Variants in CDK14 observed in about 807,000 individuals in gnomAD.
CDK14 encodes cyclin dependent kinase 14, also known as cyclin-dependent kinase 14.
Under a neutral mutation model 60.7 loss-of-function variants are expected in CDK14, and 34 were observed. The ratio of observed to expected loss-of-function variants is 0.56; its 90% CI spans 0.43 to 0.75. The LOEUF is 0.75. Among genes scored for constraint, CDK14 ranks in the 30% least tolerant of loss-of-function variants. CDK14 has a pLI of 0.00. For synonymous variants in CDK14, 197 were observed against 203.7 expected (o/e 0.97, Z 0.28); for missense variants, 482 against 564.1 (o/e 0.85, Z 1.47).
At chr7:90,743,709 G>A (rs1415869135) in intron 3 of CDK14, among the ~76,000 whole-genome samples, 2 of 151,222 alleles carry the variant, frequency 1.3e-5, no homozygotes, top group African/African-American at 2.4e-5. Context: ...ACTTCTTGGT[G>A]GATTTTTAAC....
chr7:90,919,321 G>A (rs1793173237), intron 8 of CDK14, among the ~76,000 whole-genome samples: 1 of 152,030 alleles, frequency 6.6e-6, no homozygotes, highest in Admixed American at 6.6e-5. Flanking sequence ...GATACAATAG[G>A]ATTGTATGTT....
At chr7:90,841,912 G>A (rs977852163) in intron 5 of CDK14, among the ~76,000 whole-genome samples, 6 of 152,070 alleles carry the variant, frequency 3.9e-5, no homozygotes, top group African/African-American at 1.4e-4. Flanking sequence ...CACTGAAGAT[G>A]AGGAAGCAGC....
intron 7 of CDK14, among the ~76,000 whole-genome samples, chr7:90,914,434 A>C (rs145239357): frequency 1.2e-3 from 178 of 152,278 alleles, no homozygotes; most frequent in African/African-American, 3.8e-3. Context: ...GTTAGCTGTG[A>C]GTTCCTCAAG....
At chr7:90,881,417 C>CT (rs1452896167) in intron 6 of CDK14, among the ~76,000 whole-genome samples, 1 of 152,116 alleles carries the variant, frequency 6.6e-6, no homozygotes, top group Non-Finnish European at 1.5e-5. Flanking sequence ...AAACAAGCCT[C>CT]TAAGAAATAT....
intron 5 of CDK14, among the ~76,000 whole-genome samples, chr7:90,856,603 A>G (rs1282536234): frequency 6.6e-6 from 1 of 152,182 alleles, no homozygotes; most frequent in African/African-American, 2.4e-5. Flanking sequence ...CTGTCTCCTC[A>G]TTACAGACAG....
intron 12 of CDK14, among the ~76,000 whole-genome samples, chr7:91,087,322 A>G (rs1022879496): frequency 6.6e-6 from 1 of 152,188 alleles, no homozygotes; most frequent in African/African-American, 2.4e-5. Context: ...AGAATATACC[A>G]TCAATAAATA....
At chr7:91,163,697 A>G (rs573883882) in intron 14 of CDK14, among the ~76,000 whole-genome samples, 1 of 152,196 alleles carries the variant, frequency 6.6e-6, no homozygotes, top group East Asian at 1.9e-4. Flanking sequence ...GTAGATCTCA[A>G]AACTTATTTC....
intron 4 of CDK14, among the ~76,000 whole-genome samples, chr7:90,775,805 C>G (rs1805021434): frequency 6.8e-6 from 1 of 147,294 alleles, no homozygotes. Context: ...CCTCCTTCCC[C>G]TTTTCTTCCT....
chr7:91,114,382 G>A (rs1023002512), intron 13 of CDK14, among the ~76,000 whole-genome samples: 1 of 152,174 alleles, frequency 6.6e-6, no homozygotes, highest in East Asian at 1.9e-4. Context: ...AAGGGAGACA[G>A]CCTTGTCCCC....
intron 10 of CDK14, among the ~76,000 whole-genome samples, chr7:91,007,394 A>C (rs1358539694): frequency 6.6e-6 from 1 of 152,210 alleles, no homozygotes; most frequent in Admixed American, 6.5e-5. Flanking sequence ...CAAAGCATAC[A>C]CTGTGCATAG....
chr7:90,833,561 TG>T (rs1789986768), intron 5 of CDK14, among the ~76,000 whole-genome samples: 1 of 152,150 alleles, frequency 6.6e-6, no homozygotes, highest in Non-Finnish European at 1.5e-5. Context: ...GACAATGCAT[TG>T]GAGTTGGTTT....
chr7:91,175,733 G>C (rs1584170389), intron 14 of CDK14, among the ~76,000 whole-genome samples: 1 of 149,390 alleles, frequency 6.7e-6, no homozygotes, highest in Non-Finnish European at 1.5e-5. Context: ...TAATGGTAAA[G>C]GGATCAATTC....
chr7:90,826,424 G>A (rs1469714885), intron 5 of CDK14, among the ~76,000 whole-genome samples: 1 of 151,910 alleles, frequency 6.6e-6, no homozygotes, highest in Non-Finnish European at 1.5e-5. Flanking sequence ...TCACCACGTT[G>A]TCCAGGCTGG....
intron 4 of CDK14, among the ~76,000 whole-genome samples, chr7:90,784,856 A>G (rs756766888): frequency 4.6e-5 from 7 of 152,340 alleles, no homozygotes; most frequent in Non-Finnish European, 7.4e-5. Context: ...TGTATGTAAT[A>G]CAGTATAGTG....
intron 7 of CDK14, among the ~76,000 whole-genome samples, chr7:90,899,664 G>A (rs923737884): frequency 1.3e-5 from 2 of 152,060 alleles, no homozygotes; most frequent in Non-Finnish European, 2.9e-5. Flanking sequence ...GGGAGTCTCA[G>A]TTCTAGCTTG....
intron 3 of CDK14, among the ~76,000 whole-genome samples, chr7:90,746,850 A>G (rs1445573594): frequency 2.0e-5 from 3 of 152,198 alleles, no homozygotes; most frequent in Admixed American, 1.3e-4. Context: ...TTATGTATAT[A>G]TAAGAGAGTT....
chr7:90,679,098 C>T (rs10953017), intron 2 of CDK14, among the ~76,000 whole-genome samples: 89,509 of 151,892 alleles, frequency 0.59, 26,595 homozygotes, highest in East Asian at 0.77. Flanking sequence ...TACAGGCACA[C>T]GCCACCATGC....
chr7:91,017,343 C>G (rs943618357), intron 10 of CDK14, among the ~76,000 whole-genome samples: 5 of 152,208 alleles, frequency 3.3e-5, no homozygotes, highest in Admixed American at 3.3e-4. Flanking sequence ...GGGAGGATTT[C>G]TAGCTGGTGG....
intron 2 of CDK14, among the ~76,000 whole-genome samples, chr7:90,700,283 G>T (rs1409843553): frequency 6.6e-6 from 1 of 151,990 alleles, no homozygotes; most frequent in Non-Finnish European, 1.5e-5. Flanking sequence ...TAGTAGAGAC[G>T]GGGTTTCACC....
Sources: gnomAD v4.1 joint callset for allele counts (sites outside exome capture counted in the v4.1 genomes callset) on GRCh38, gnomAD v4.1.1 for gene constraint, MANE v1.5 for transcripts, NCBI Gene and HGNC (gene_info 2026-07-23, HGNC 2026-07-21) for gene names.